Variants in EML4 observed in about 807,000 individuals in gnomAD.
EML4 encodes echinoderm microtubule-associated protein-like 4.
In EML4, 72 loss-of-function variants were observed where a neutral mutation model predicts 129.0. That is an observed-to-expected ratio of 0.56 (90% confidence interval 0.46 to 0.68). The LOEUF is 0.68. EML4 is among the 30% of genes least tolerant of loss of function. EML4 has a pLI of 0.00. For missense variants in EML4, 1,363 were observed against 1,190.6 expected (o/e 1.14, Z -2.13); for synonymous variants, 532 against 405.0 (o/e 1.31, Z -3.77).
intron 6 of EML4, among the ~76,000 whole-genome samples, chr2:42,277,689 C>T (rs1666735432): frequency 6.6e-6 from 1 of 152,034 alleles, no homozygotes; most frequent in Admixed American, 6.5e-5. Flanking sequence ...CTGCCTCAGC[C>T]TTCCGAGTAG....
Position 42,313,024 on chromosome 2 carries a change from C to T in EML4, c.1968-2938C>T, listed in dbSNP as rs536024289. ...AGTGCAGTGGTGCCATGTCAGCTTG[C>T]GGCAAGCTCCACCGCCTGCGTTCAC... is the stretch of plus-strand genomic sequence containing the variant. On this transcript the variant is annotated intron_variant, in intron 17 of 22. Transcript: ENST00000318522. Among the ~76,000 whole-genome samples, 11 of 145,946 alleles carry T rather than the reference C, an allele frequency of 7.5e-5. No individual in the cohort carries two copies. In the South Asian group the frequency reaches 2.4e-3, roughly 32 times the overall value.
At chr2:42,286,547 T>G (rs996501618) in intron 10 of EML4, among the ~76,000 whole-genome samples, 168 bp downstream of exon 10, 1 of 152,224 alleles carries the variant, frequency 6.6e-6, no homozygotes, top group Non-Finnish European at 1.5e-5. Context: ...CATTTTGACC[T>G]AAGTCCTAAA....
intron 1 of EML4, among the ~76,000 whole-genome samples, chr2:42,228,801 A>G (rs558560678): frequency 6.6e-6 from 1 of 152,158 alleles, no homozygotes; most frequent in South Asian, 2.1e-4. Flanking sequence ...CTCCCCCACA[A>G]TGCTTGCTAG....
chr2:42,188,570 G>C (rs937026765), intron 1 of EML4, among the ~76,000 whole-genome samples: 5 of 151,628 alleles, frequency 3.3e-5, no homozygotes, highest in African/African-American at 1.2e-4. Context: ...TTTTGAGACA[G>C]AGTCTTGCTT....
intron 9 of EML4, 93 bp downstream of exon 9, chr2:42,284,796 T>C: frequency 1.1e-6 from 1 of 926,962 alleles, no homozygotes; most frequent in East Asian, 2.8e-5. Context: ...TTTGTTTTAT[T>C]CTTTTAAAAT....
intron 1 of EML4, among the ~76,000 whole-genome samples, chr2:42,174,524 C>T (rs1434207170): frequency 1.3e-5 from 2 of 151,980 alleles, no homozygotes; most frequent in Non-Finnish European, 2.9e-5. Context: ...CCCCTGACCT[C>T]GGGTGATGGC....
At chr2:42,245,318 A>C (rs1331234686) in intron 1 of EML4, among the ~76,000 whole-genome samples, 187 bp from the exon 2 acceptor site, 1 of 150,146 alleles carries the variant, frequency 6.7e-6, no homozygotes, top group African/African-American at 2.5e-5. Flanking sequence ...CTGGTCTCCA[A>C]CTCCTGACCT....
chr2:42,175,574 C>T (rs1237183662), intron 1 of EML4, among the ~76,000 whole-genome samples: 1 of 152,026 alleles, frequency 6.6e-6, no homozygotes, highest in Non-Finnish European at 1.5e-5. Context: ...TCTTGGCTCA[C>T]TGCAACTTCT....
intron 1 of EML4, among the ~76,000 whole-genome samples, chr2:42,210,571 A>G (rs1672831300): frequency 6.6e-6 from 1 of 152,186 alleles, no homozygotes; most frequent in African/African-American, 2.4e-5. Context: ...GTGGGTGTGG[A>G]GTTATGCTTC....
Position 42,330,462 on chromosome 2 carries a change from C to A in EML4, c.*255C>A. The A allele has an allele frequency of 1.8e-6, 1 of 567,670 alleles. No homozygotes were observed. Among genetic ancestry groups the A allele is most frequent in the Non-Finnish European group, 3.2e-6 (1 of 313,466 alleles). 35.2% of individuals were successfully genotyped at this position (567,670 alleles called of 1,614,324 possible). On this transcript the variant is annotated 3_prime_UTR_variant, in exon 23 of 23. Coordinates refer to ENST00000318522, the MANE Select transcript of EML4 (RefSeq NM_019063.5). ...ATCATTAATGATGTCTCACAAATTA[C>A]TGTGTACCTAAGTGGTGTGATGTAA...
intron 1 of EML4, among the ~76,000 whole-genome samples, chr2:42,193,084 C>T (rs1021904685): frequency 6.6e-6 from 1 of 152,304 alleles, no homozygotes; most frequent in Non-Finnish European, 1.5e-5. Flanking sequence ...TCATATACCA[C>T]ATATGAGGGT....
intron 22 of EML4, 81 bp from the exon 23 acceptor site, chr2:42,329,653 C>G (rs1254809915): frequency 3.4e-6 from 4 of 1,192,218 alleles, no homozygotes; most frequent in Non-Finnish European, 4.9e-6. Flanking sequence ...GTTTACCCCC[C>G]TTACGTATCA....
intron 2 of EML4, among the ~76,000 whole-genome samples, chr2:42,255,355 G>T (rs569829300): frequency 2.7e-4 from 41 of 152,256 alleles, no homozygotes; most frequent in African/African-American, 7.7e-4. Flanking sequence ...AAAGTGCTGG[G>T]ATTACAGGCT....
chr2:42,232,183 G>A (rs755579508), intron 1 of EML4, among the ~76,000 whole-genome samples: 61 of 152,102 alleles, frequency 4.0e-4, no homozygotes, highest in Non-Finnish European at 6.3e-4. Context: ...ATTAGATTTC[G>A]ATTTGAGAAG....
chr2:42,191,862 G>T (rs1671602894), intron 1 of EML4, among the ~76,000 whole-genome samples: 1 of 151,900 alleles, frequency 6.6e-6, no homozygotes, highest in African/African-American at 2.4e-5. Context: ...TAAGAAACCT[G>T]GCCGGGCACG....
chr2:42,243,095 TATTTATA>T (rs1675147655), intron 1 of EML4, among the ~76,000 whole-genome samples: 1 of 152,100 alleles, frequency 6.6e-6, no homozygotes, highest in African/African-American at 2.4e-5. Context: ...CTAGTAGTAA[TATTTATA>T]CAACTGAAAA....
In EML4 at chr2:42,263,252, C is replaced by A; in HGVS notation, c.587C>A (p.Ser196Ter). 6.2e-7 allele frequency: 1 copy of A among 1,613,148 alleles called. No homozygotes were observed. The highest frequency in any genetic ancestry group is 8.5e-7 in the Non-Finnish European group (1 of 1,179,614). Residue 196 changes from serine to a stop codon, truncating the protein, a stop_gained, in exon 5 of 23, where the codon TCG becomes TAG. Coordinates refer to ENST00000318522, the MANE Select transcript of EML4 (RefSeq NM_019063.5). LOFTEE classifies it high-confidence loss of function. The part of the protein sequence containing the change: ...ENSDDSRNKL[S>*]KIPSTPKLIP... ...TCAGATGATAGCCGTAATAAATTGT[C>A]GAAAATACCTTCAACACCCAAATTA...
At chr2:42,193,914 G>A (rs1173997773) in intron 1 of EML4, among the ~76,000 whole-genome samples, 1 of 152,058 alleles carries the variant, frequency 6.6e-6, no homozygotes, top group Non-Finnish European at 1.5e-5. Context: ...GGAACTCCTG[G>A]GCTCAAGTGA....
intron 4 of EML4, 159 bp downstream of exon 4, chr2:42,261,453 T>A: frequency 2.1e-6 from 1 of 465,402 alleles, no homozygotes; most frequent in Non-Finnish European, 3.6e-6. Flanking sequence ...TTATAGCCCA[T>A]TGGGGAATAA....
Sources: gnomAD v4.1 joint callset for allele counts (sites outside exome capture counted in the v4.1 genomes callset) on GRCh38, gnomAD v4.1.1 for gene constraint, MANE v1.5 for transcripts, NCBI Gene and HGNC (gene_info 2026-07-23, HGNC 2026-07-21) for gene names.